The following RBMS1 variants were observed in gnomAD, a reference collection of about 807,000 sequenced individuals.
RBMS1 encodes the protein RNA binding motif single stranded interacting protein 1.
In RBMS1, 17 loss-of-function variants were observed where a neutral mutation model predicts 62.3. That is an observed-to-expected ratio of 0.27 (90% confidence interval 0.19 to 0.41). The LOEUF is 0.41. Among genes scored for constraint, RBMS1 ranks in the 10% least tolerant of loss-of-function variants. The probability of loss-of-function intolerance (pLI) is 1.00; values close to 1 mark genes in which losing one functional copy is unlikely to be tolerated. For synonymous variants in RBMS1, 172 were observed against 170.0 expected (o/e 1.01, Z -0.09); for missense variants, 334 against 504.5 (o/e 0.66, Z 3.24).
At chr2:160,452,586 C>T (rs1174931275) in intron 1 of RBMS1, among the ~76,000 whole-genome samples, 1 of 152,144 alleles carries the variant, frequency 6.6e-6, no homozygotes, top group Non-Finnish European at 1.5e-5. Context: ...TCCATGGATG[C>T]AGAACCTGCA....
chr2:160,449,004 G>C (rs965367418), intron 1 of RBMS1, among the ~76,000 whole-genome samples: 2 of 151,532 alleles, frequency 1.3e-5, no homozygotes, highest in African/African-American at 4.9e-5. Flanking sequence ...TGGGAGGTGA[G>C]GAGTGTGTCT....
chr2:160,402,781 T>G lies in RBMS1; in HGVS notation c.76-35390A>C, dbSNP rs577535490. Among the ~76,000 whole-genome samples the G allele has an allele frequency of 9.2e-5, 14 of 152,266 alleles. 2 individuals are homozygous for G. The South Asian group carries it at 2.9e-3, about 32-fold the overall frequency. Reference sequence around the variant, plus strand: ...ACCTAGCTTTCACCATGTAGGCCACTTAAGATGTCACTGCCTCAAAACTCC... The same window carrying G: ...ACCTAGCTTTCACCATGTAGGCCACGTAAGATGTCACTGCCTCAAAACTCC... On this transcript the variant is annotated intron_variant, in intron 1 of 13. Transcript: ENST00000348849.
intron 10 of RBMS1, 122 bp downstream of exon 10, chr2:160,281,192 C>T: frequency 3.3e-6 from 2 of 602,976 alleles, no homozygotes; most frequent in Non-Finnish European, 5.4e-6. Context: ...ATTGTACATT[C>T]TCATATTCCA....
At chr2:160,467,950 C>G (rs1263587900) in intron 1 of RBMS1, among the ~76,000 whole-genome samples, 1 of 152,094 alleles carries the variant, frequency 6.6e-6, no homozygotes, top group African/African-American at 2.4e-5. Flanking sequence ...TCCACACAAC[C>G]AGTGTGGTAC....
rs942705902 is a variant in RBMS1, at chr2:160,315,618, TG to T, written c.311-2372del. ...TGCCTGCTTTTACCCTTATTTTTCCTGTTAGTCTAATTCATCCTGAAACTAT... is the reference window on the plus strand; with the variant it reads ...TGCCTGCTTTTACCCTTATTTTTCCTTTAGTCTAATTCATCCTGAAACTAT... On this transcript the variant is annotated intron_variant, in intron 3 of 13. Transcript: ENST00000348849. Among the ~76,000 whole-genome samples, 101 of 152,378 alleles carry T rather than the reference TG, an allele frequency of 6.6e-4. 1 individual carries two copies. Among genetic ancestry groups the T allele is most frequent in the African/African-American group, 2.4e-3 (99 of 41,594 alleles).
chr2:160,388,770 CTGCGA>C (rs1263647780), intron 1 of RBMS1, among the ~76,000 whole-genome samples: 6 of 152,358 alleles, frequency 3.9e-5, no homozygotes, highest in South Asian at 2.1e-4. Flanking sequence ...CCAACCCTCC[CTGCGA>C]TGCGAGAGGT....
chr2:160,478,398 G>C (rs1419864536), intron 1 of RBMS1, among the ~76,000 whole-genome samples: 1 of 152,186 alleles, frequency 6.6e-6, no homozygotes, highest in African/African-American at 2.4e-5. Flanking sequence ...ACAATCCTAA[G>C]AAGTTGGGTG....
intron 1 of RBMS1, among the ~76,000 whole-genome samples, chr2:160,371,632 G>C (rs1559461018): frequency 6.6e-6 from 1 of 152,182 alleles, no homozygotes; most frequent in Non-Finnish European, 1.5e-5. Flanking sequence ...TGAATAAAGG[G>C]GTGGTTGTAT....
chr2:160,486,582 G>A (rs1685610332), intron 1 of RBMS1, among the ~76,000 whole-genome samples: 1 of 152,184 alleles, frequency 6.6e-6, no homozygotes, highest in South Asian at 2.1e-4. Flanking sequence ...CTGAGGAATG[G>A]ATTCCAGGGC....
chr2:160,384,344 C>T (rs1694456912), intron 1 of RBMS1, among the ~76,000 whole-genome samples: 1 of 152,048 alleles, frequency 6.6e-6, no homozygotes, highest in African/African-American at 2.4e-5. Flanking sequence ...CATTAGAAAA[C>T]AGCAGATGTC....
intron 1 of RBMS1, among the ~76,000 whole-genome samples, chr2:160,381,146 T>C (rs1460387815): frequency 1.3e-5 from 2 of 152,126 alleles, no homozygotes. Flanking sequence ...ATTGCAAAAT[T>C]CAATCTTCCC....
At chr2:160,426,285 G>GAAAGAAAGAAAGAAAGAAAGA (rs1395046461) in intron 1 of RBMS1, among the ~76,000 whole-genome samples, 2 of 100,134 alleles carry the variant, frequency 2.0e-5, no homozygotes, top group East Asian at 2.8e-4. Flanking sequence ...AAGAAAGAAA[G>GAAAGAAAGAAAGAAAGAAAGA]AAAGAAAAGA....
intron 4 of RBMS1, among the ~76,000 whole-genome samples, chr2:160,306,850 A>G (rs559775767): frequency 1.8e-4 from 27 of 152,254 alleles, no homozygotes; most frequent in African/African-American, 5.5e-4. Flanking sequence ...TGAAATGAGG[A>G]TAGTTTAGTA....
intron 2 of RBMS1, among the ~76,000 whole-genome samples, chr2:160,340,812 A>G (rs1691827254): frequency 6.6e-6 from 1 of 152,206 alleles, no homozygotes; most frequent in African/African-American, 2.4e-5. Context: ...CATGTTAGTA[A>G]ACATACAGAT....
At chr2:160,312,332 T>C (rs147964753) in intron 4 of RBMS1, among the ~76,000 whole-genome samples, 1 of 152,140 alleles carries the variant, frequency 6.6e-6, no homozygotes, top group African/African-American at 2.4e-5. Context: ...TGTGATATTC[T>C]AAGTCAAAAC....
At chr2:160,407,705 C>T in intron 1 of RBMS1, 1 of 981,714 alleles carries the variant, frequency 1.0e-6, no homozygotes, top group Non-Finnish European at 1.2e-6. Flanking sequence ...CGCTGACTTC[C>T]CCTCCGCCTT....
intron 6 of RBMS1, among the ~76,000 whole-genome samples, chr2:160,289,101 A>G (rs6432613): frequency 0.71 from 107,106 of 151,848 alleles, 38,347 homozygotes; most frequent in East Asian, 0.82. Flanking sequence ...TCTAGACTCC[A>G]GCCTGTCAAA....
intron 2 of RBMS1, among the ~76,000 whole-genome samples, chr2:160,355,526 C>A (rs1241298947): frequency 1.3e-5 from 2 of 152,104 alleles, no homozygotes; most frequent in African/African-American, 4.8e-5. Context: ...GAACCACATT[C>A]TTCCTCTACC....
intron 1 of RBMS1, chr2:160,408,677 CAA>C (rs1256902036): frequency 3.9e-5 from 6 of 152,112 alleles, no homozygotes; most frequent in African/African-American, 1.4e-4. Context: ...AAAAAAGAGA[CAA>C]AGGGAGGAGG....
Sources: gnomAD v4.1 joint callset for allele counts (sites outside exome capture counted in the v4.1 genomes callset) on GRCh38, gnomAD v4.1.1 for gene constraint, MANE v1.5 for transcripts, NCBI Gene and HGNC (gene_info 2026-07-23, HGNC 2026-07-21) for gene names.